GRIK2: variants seen among roughly 807,000 people sequenced by gnomAD.
GRIK2 encodes glutamate ionotropic receptor kainate type subunit 2.
A neutral mutation model predicts 100.3 loss-of-function variants in GRIK2; 32 were observed. That is an observed-to-expected ratio of 0.32 (90% CI 0.24 to 0.43). The LOEUF is 0.43. GRIK2 is among the 20% of genes least tolerant of loss of function. The pLI is 1.00. For synonymous variants in GRIK2, 417 were observed against 389.4 expected, an observed-to-expected ratio of 1.07 and a Z score of -0.83; for missense variants, 843 against 1,114.9, an observed-to-expected ratio of 0.76 and a Z score of 3.47.
At chr6:101,933,134 G>A (rs1289077559) in intron 14 of GRIK2, among the ~76,000 whole-genome samples, 1 of 152,018 alleles carries the variant, frequency 6.6e-6, no homozygotes, top group South Asian at 2.1e-4. Context: ...AGCATCTAAG[G>A]CATCACGCTT....
At chr6:101,988,138 CGCGCGCGCGCGCGCGCGT>C (rs1286108844) in intron 14 of GRIK2, among the ~76,000 whole-genome samples, 1,060 of 13,658 alleles carry the variant, frequency 0.078, 15 homozygotes, top group African/African-American at 0.13. Flanking sequence ...TGTGTGCGCG[CGCGCGCGCGCGCGCGCGT>C]GCGCGCACAT....
intron 14 of GRIK2, among the ~76,000 whole-genome samples, chr6:101,936,065 C>CT (rs969899247): frequency 2.1e-4 from 31 of 149,256 alleles, no homozygotes; most frequent in South Asian, 6.4e-4. Context: ...TATAGATAAT[C>CT]TTTTTTTTTT....
At chr6:102,058,078 A>G (rs1234694924) in intron 16 of GRIK2, among the ~76,000 whole-genome samples, 4 of 151,848 alleles carry the variant, frequency 2.6e-5, no homozygotes, top group African/African-American at 9.7e-5. Flanking sequence ...AAAAACATGT[A>G]TCTCCTTTTG....
chr6:101,976,355 A>C (rs1049262273), intron 14 of GRIK2, among the ~76,000 whole-genome samples: 3 of 151,936 alleles, frequency 2.0e-5, no homozygotes, highest in Non-Finnish European at 4.4e-5. Context: ...TGACAACAGG[A>C]TAACAAAGCT....
chr6:101,685,936 A>G (rs1771655924), intron 6 of GRIK2, among the ~76,000 whole-genome samples: 1 of 152,162 alleles, frequency 6.6e-6, no homozygotes, highest in Non-Finnish European at 1.5e-5. Flanking sequence ...AGAAGAGCCC[A>G]TTGTTTCACT....
intron 2 of GRIK2, among the ~76,000 whole-genome samples, chr6:101,535,241 T>C (rs188639689): frequency 2.0e-5 from 3 of 151,924 alleles, no homozygotes; most frequent in East Asian, 3.9e-4. Context: ...GTGTTTACTG[T>C]TGATATCTCT....
rs1326601079 is a variant in GRIK2 at position 101,858,394 on chromosome 6, T to TC, written c.1318-893_1318-892insC. ...TCTCTCTATTTTTTTTTCTTTTTTT[T>TC]TTTTTTTTTTTGAGACGGAGTCTCA... On this transcript the variant is annotated intron_variant, in intron 10 of 16. Transcript: ENST00000369134. Among the ~76,000 whole-genome samples the TC allele has an allele frequency of 4.8e-5, 7 of 145,356 alleles. No individual in the cohort carries two copies. The East Asian group carries it at 5.9e-4, about 12-fold the overall frequency.
intron 10 of GRIK2, among the ~76,000 whole-genome samples, chr6:101,843,728 G>A (rs1046907181): frequency 3.9e-5 from 6 of 152,136 alleles, no homozygotes; most frequent in South Asian, 4.1e-4. Flanking sequence ...TGATGCTAAG[G>A]TAGTGCTCAG....
chr6:101,615,371 A>G (rs182050843), intron 2 of GRIK2, among the ~76,000 whole-genome samples: 291 of 151,860 alleles, frequency 1.9e-3, no homozygotes, highest in African/African-American at 6.7e-3. Context: ...AAAGCAGTAC[A>G]TTTTGCTTGT....
intron 7 of GRIK2, among the ~76,000 whole-genome samples, chr6:101,747,830 AAG>A (rs772815451): frequency 6.6e-6 from 1 of 151,998 alleles, no homozygotes; most frequent in Admixed American, 6.6e-5. Flanking sequence ...CAGCTCATGA[AAG>A]AGAGAAAACT....
chr6:101,673,885 G>A (rs1770622749), intron 4 of GRIK2, among the ~76,000 whole-genome samples: 1 of 152,070 alleles, frequency 6.6e-6, no homozygotes, highest in Admixed American at 6.6e-5. Context: ...ATTAAAAAAT[G>A]GGCAAATGAC....
At chr6:101,487,179 A>T (rs1185062956) in intron 2 of GRIK2, among the ~76,000 whole-genome samples, 2 of 146,786 alleles carry the variant, frequency 1.4e-5, no homozygotes, top group Non-Finnish European at 1.5e-5. Context: ...TTAGTATATT[A>T]ATCATAATCA....
rs1392805217 is a variant in GRIK2, at chr6:101,930,349, A to AT, written c.2085+1717_2085+1718insT. On this transcript the variant is annotated intron_variant, in intron 14 of 16. Transcript: ENST00000369134. ...TGGAGTGCAATCCTGTCTCAAAAAA[A>AT]AAAAATAAAATAAAATAAAATAAAT... 3.2e-3 allele frequency among the ~76,000 whole-genome samples: 125 copies of AT among 39,404 alleles called. 1 individual carries two copies. Among genetic ancestry groups the AT allele is most frequent in the East Asian group, 0.024 (17 of 716 alleles). The allele number at this position is 39,404 out of a possible 152,430, so 25.9% of individuals were successfully genotyped here. A position where few individuals can be genotyped will look rare whatever the true frequency, so the allele number is the denominator to read the frequency against.
chr6:101,519,275 C>T lies in GRIK2; in HGVS notation c.116-102674C>T, dbSNP rs371326344. 4.7e-5 allele frequency among the ~76,000 whole-genome samples: 7 copies of T among 149,640 alleles called. No individual in the cohort carries two copies. The East Asian group carries it at 1.0e-3, about 21-fold the overall frequency. On this transcript the variant is annotated intron_variant, in intron 2 of 16. Coordinates refer to ENST00000369134, the MANE Select transcript of GRIK2 (RefSeq NM_021956.5). ...TGGAGAGGGTGGAACATAAAGCAGC[C>T]CTAATGGCGCATTGCGGAGTTAAAC... is the stretch of plus-strand genomic sequence containing the variant.
intron 14 of GRIK2, among the ~76,000 whole-genome samples, chr6:101,965,879 A>C (rs9322625): frequency 0.049 from 7,531 of 152,164 alleles, 383 homozygotes; most frequent in African/African-American, 0.12. Flanking sequence ...GTATAAAACA[A>C]TTTTCAATAA....
intron 7 of GRIK2, among the ~76,000 whole-genome samples, chr6:101,759,962 C>A (rs9390778): frequency 4.0e-5 from 4 of 98,826 alleles, no homozygotes; most frequent in African/African-American, 1.2e-4. Flanking sequence ...GCTCACTTCC[C>A]GGGTTCACGC....
chr6:101,924,643 T>C lies in GRIK2; in HGVS notation c.1791T>C (p.Pro597=). 1 of 1,611,216 alleles carries C rather than the reference T, an allele frequency of 6.2e-7. No individual in the cohort carries two copies. The change falls in exon 13 of 17, where the codon CCT becomes CCC. Residue 597 remains proline, a synonymous_variant. Transcript: ENST00000369134. ...YEWYNPHPCN[P]DSDVVENNFT... The stretch of plus-strand genomic sequence containing the variant: ...GGTATAATCCACACCCTTGCAACCC[T>C]GACTCAGACGTGGTGGAAAACAATT...
chr6:101,927,110 A>G (rs1789953147), intron 13 of GRIK2, among the ~76,000 whole-genome samples: 1 of 151,940 alleles, frequency 6.6e-6, no homozygotes, highest in Non-Finnish European at 1.5e-5. Context: ...CAGAATCTGG[A>G]GCTGGAGTTG....
intron 2 of GRIK2, among the ~76,000 whole-genome samples, chr6:101,497,076 A>T (rs961942633): frequency 3.3e-5 from 5 of 152,196 alleles, no homozygotes. Context: ...CTTTCCAAGC[A>T]TGCTAAATTC....
Sources: gnomAD v4.1 joint callset for allele counts (sites outside exome capture counted in the v4.1 genomes callset) on GRCh38, gnomAD v4.1.1 for gene constraint, MANE v1.5 for transcripts, NCBI Gene and HGNC (gene_info 2026-07-23, HGNC 2026-07-21) for gene names.